CPAMD8: variants seen among roughly 807,000 people sequenced by gnomAD.
CPAMD8 encodes C3 and PZP like alpha-2-macroglobulin domain containing 8, also known as C3 and PZP-like alpha-2-macroglobulin domain-containing protein 8.
In CPAMD8, 146 loss-of-function variants were observed where a neutral mutation model predicts 224.7. The observed-to-expected ratio is 0.65, with a 90% CI of 0.57 to 0.75. The LOEUF (loss-of-function observed/expected upper bound fraction) is 0.75. CPAMD8 is among the 30% of genes least tolerant of loss of function. CPAMD8 has a pLI of 0.00. For missense variants in CPAMD8, 2,301 were observed against 2,537.5 expected, an observed-to-expected ratio of 0.91 and a Z score of 2.00; for synonymous variants, 966 against 1,044.6, an observed-to-expected ratio of 0.92 and a Z score of 1.45.
intron 26 of CPAMD8, among the ~76,000 whole-genome samples, chr19:16,924,898 T>C (rs1229655297): frequency 2.0e-5 from 3 of 152,190 alleles, no homozygotes; most frequent in African/African-American, 7.2e-5. Flanking sequence ...TCTTTTATTT[T>C]CTAAATGTTA....
chr19:16,914,990 C>T (rs2052892269), intron 27 of CPAMD8, among the ~76,000 whole-genome samples, 177 bp from the exon 28 acceptor site: 1 of 152,206 alleles, frequency 6.6e-6, no homozygotes, highest in Admixed American at 6.5e-5. Flanking sequence ...GGGCACATTG[C>T]CCAGCACCCA....
At chr19:16,906,394 CTTT>C (rs1568459727) in intron 30 of CPAMD8, among the ~76,000 whole-genome samples, 1,229 of 84,580 alleles carry the variant, frequency 0.015, 5 homozygotes, top group Middle Eastern at 0.029. Flanking sequence ...TTCTTTCTTT[CTTT>C]CTTTCTTTCT....
intron 16 of CPAMD8, among the ~76,000 whole-genome samples, chr19:16,975,539 C>T (rs2055234840): frequency 6.6e-6 from 1 of 151,888 alleles, no homozygotes; most frequent in Non-Finnish European, 1.5e-5. Context: ...AGACCCCGCC[C>T]CTACAAAAGA....
chr19:16,896,649 C>A lies in CPAMD8; in HGVS notation c.5082G>T (p.Glu1694Asp). ...PARGPGWFPG[E>D]SGPAVAPEEG... is the part of the protein sequence containing the mutation. ...CCTCAGGGGCCACGGCAGGGCCCGA[C>A]TCGCCGGGGAACCAGCCTGGGGGAC... is the stretch of plus-strand genomic sequence containing the variant. Residue 1694 changes from glutamate (E) to aspartate (D), a missense_variant, in exon 40 of 42, where the codon GAG becomes GAT. Physicochemically the swap from Glu to Asp is conservative, Grantham distance 45. This residue lies in a region of CPAMD8 where 1,709 missense variants were observed against 1,753.2 expected (regional missense o/e 0.97). Coordinates refer to ENST00000443236, the MANE Select transcript of CPAMD8 (RefSeq NM_015692.5). 1 of 1,472,008 alleles carries A rather than the reference C, an allele frequency of 6.8e-7. No individual in the cohort carries two copies. The highest frequency in any genetic ancestry group is 9.0e-7 in the Non-Finnish European group (1 of 1,114,794). The allele number at this position is 1,472,008 out of a possible 1,614,324, so 91.2% of individuals were successfully genotyped here.
At chr19:16,984,598 T>C (rs1252613102) in intron 13 of CPAMD8, among the ~76,000 whole-genome samples, 1 of 152,050 alleles carries the variant, frequency 6.6e-6, no homozygotes, top group African/African-American at 2.4e-5. Context: ...GTCAGGAAAG[T>C]GAAAAGATAA....
intron 20 of CPAMD8, among the ~76,000 whole-genome samples, chr19:16,948,596 G>A (rs960541280): frequency 6.6e-6 from 1 of 151,706 alleles, no homozygotes; most frequent in African/African-American, 2.4e-5. Flanking sequence ...AAGACCAGGC[G>A]TAGTGCTGGG....
chr19:16,978,576 G>A (rs542273008), intron 14 of CPAMD8, among the ~76,000 whole-genome samples: 2 of 152,182 alleles, frequency 1.3e-5, no homozygotes, highest in Admixed American at 6.5e-5. Flanking sequence ...GGCAATATCT[G>A]CGGATGTTTT....
Position 16,989,921 on chromosome 19 carries a change from A to G in CPAMD8, c.1267-150T>C, listed in dbSNP as rs8101816. ...CCCCCTCCCCAATCCTCAGGGAGTA[A>G]TAGCCAGTTGTCCAGCCCATTCTTC... On this transcript the variant is annotated intron_variant, in intron 12 of 41. Coordinates refer to ENST00000443236, the MANE Select transcript of CPAMD8 (RefSeq NM_015692.5). The G allele has an allele frequency of 0.19, 137,497 of 738,910 alleles. 16,947 individuals carry two copies. Among genetic ancestry groups the G allele is most frequent in the African/African-American group, 0.48 (26,647 of 55,852 alleles). The allele number at this position is 738,910 out of a possible 1,614,324, so 45.8% of individuals were successfully genotyped here.
chr19:16,958,467 C>G (rs771978487), intron 18 of CPAMD8, among the ~76,000 whole-genome samples: 1 of 152,178 alleles, frequency 6.6e-6, no homozygotes, highest in African/African-American at 2.4e-5. Flanking sequence ...TTTTTTATGG[C>G]TGCATAGTAT....
intron 1 of CPAMD8, among the ~76,000 whole-genome samples, chr19:17,024,081 T>C (rs1439219961): frequency 6.6e-6 from 1 of 152,174 alleles, no homozygotes; most frequent in Non-Finnish European, 1.5e-5. Context: ...TTGAGTAAGA[T>C]ACCAAAAATA....
chr19:16,972,939 C>T (rs368361807), intron 17 of CPAMD8, among the ~76,000 whole-genome samples: 4 of 152,138 alleles, frequency 2.6e-5, no homozygotes, highest in South Asian at 2.1e-4. Context: ...GAGGCTAACG[C>T]GGGTGGATCC....
intron 18 of CPAMD8, among the ~76,000 whole-genome samples, chr19:16,970,555 T>C (rs1243361115): frequency 6.6e-6 from 1 of 151,012 alleles, no homozygotes; most frequent in Non-Finnish European, 1.5e-5. Context: ...ACTGGGGGTG[T>C]GGTCACACAG....
Position 16,971,009 on chromosome 19 carries a change from C to G in CPAMD8, c.2095G>C (p.Asp699His). 6.2e-7 allele frequency: 1 copy of G among 1,610,174 alleles called. No homozygotes were observed. Among genetic ancestry groups the G allele is most frequent in the South Asian group, 1.1e-5 (1 of 90,780 alleles). The change falls in exon 18 of 42, where the codon GAC (aspartate) becomes CAC (histidine). Residue 699 changes from aspartate to histidine, a missense_variant. Asp to His is a moderately conservative substitution (Grantham distance 81). Transcript: ENST00000443236. ...TGCCGGTGGTTCAGGCTCACTCGGT[C>G]GGTCATCACCACCAGTCCCGTTTCC... ...FTETGLVVMT[D>H]RVSLNHRQDG...
At position 16,993,703 on chromosome 19, in the gene CPAMD8, A is replaced by C. The variant is rs762323420; in HGVS notation, c.1096-117T>G. ...AGCAGGCTTCTTTGTAGAAATTGAC[A>C]AACTGCTCCTGAAATTCACAGGGCA... On this transcript the variant is annotated intron_variant, in intron 11 of 41. Transcript: ENST00000443236. 2.6e-4 allele frequency: 243 copies of C among 935,252 alleles called. 1 individual carries two copies. In the African/African-American group the frequency reaches 3.4e-3, roughly 13 times the overall value. The allele number at this position is 935,252 out of a possible 1,614,324, so 57.9% of individuals were successfully genotyped here.
At position 16,899,488 on chromosome 19, in the gene CPAMD8, A is replaced by T. The variant is rs755028686; in HGVS notation, c.4835T>A (p.Phe1612Tyr). Residue 1612 changes from phenylalanine (F) to tyrosine (Y), a missense_variant, in exon 37 of 42, where the codon TTC (phenylalanine) becomes TAC (tyrosine). Physicochemically the swap from Phe to Tyr is conservative, Grantham distance 22. Transcript: ENST00000443236. The surrounding 1 kb of genome is among the most constrained non-coding windows in gnomAD (Gnocchi z 5.4). ...GGCTGGTGGTACCTCATCAAAGTAG[A>T]AGAGCACTCGGCGTCCAGCCACTTC... is the stretch of plus-strand genomic sequence containing the variant. ...RYEVAGRRVL[F>Y]YFDEIPSRCL... 3.9e-6 allele frequency: 6 copies of T among 1,545,178 alleles called. No individual in the cohort carries two copies. Among genetic ancestry groups the T allele is most frequent in the Non-Finnish European group, 5.4e-6 (6 of 1,117,684 alleles).
intron 9 of CPAMD8, 115 bp from the exon 10 acceptor site, chr19:17,000,637 T>TC (rs2056281284): frequency 1.6e-6 from 1 of 612,676 alleles, no homozygotes; most frequent in Admixed American, 2.4e-5. Context: ...TGGATGCAGC[T>TC]CCCTCCACAC....
At chr19:16,966,109 AACCAAAACAGCATGGTACTGGT>A (rs1568537683) in intron 18 of CPAMD8, among the ~76,000 whole-genome samples, 1 of 152,194 alleles carries the variant, frequency 6.6e-6, no homozygotes, top group Non-Finnish European at 1.5e-5. Flanking sequence ...AGGCTACAGT[AACCAAAACAGCATGGTACTGGT>A]ACCAAAACAG....
chr19:16,961,500 A>C (rs969263557), intron 18 of CPAMD8, among the ~76,000 whole-genome samples: 1 of 152,250 alleles, frequency 6.6e-6, no homozygotes, highest in African/African-American at 2.4e-5. Flanking sequence ...GTAAGTAAAC[A>C]AAGTGGCTGG....
At chr19:16,906,411 C>CTTTCTTTCTTTCTTTCTTTCT in intron 30 of CPAMD8, among the ~76,000 whole-genome samples, 1 of 64,380 alleles carries the variant, frequency 1.6e-5, no homozygotes, top group Non-Finnish European at 3.2e-5. Context: ...TCTTTCTTTC[C>CTTTCTTTCTTTCTTTCTTTCT]TTCCTTCCTT....
Sources: gnomAD v4.1 joint callset for allele counts (sites outside exome capture counted in the v4.1 genomes callset) on GRCh38, gnomAD v4.1.1 for gene constraint, gnomAD v4.1.1 regional missense constraint, Gnocchi (gnomAD v3.1) non-coding constraint, MANE v1.5 for transcripts, NCBI Gene and HGNC (gene_info 2026-07-23, HGNC 2026-07-21) for gene names.